Variants in ADAMTS1 observed in about 807,000 individuals in gnomAD.
ADAMTS1 encodes ADAM metallopeptidase with thrombospondin type 1 motif 1.
Under a neutral mutation model 87.9 loss-of-function variants are expected in ADAMTS1, and 19 were observed. That is an observed-to-expected ratio of 0.22 (90% confidence interval 0.15 to 0.32). The LOEUF is 0.32. Ranked by LOEUF, ADAMTS1 falls within the 10% of genes least tolerant of loss-of-function variation. The probability of loss-of-function intolerance (pLI) is 1.00; values close to 1 mark genes in which losing one functional copy is unlikely to be tolerated. For synonymous variants in ADAMTS1, 542 were observed against 501.8 expected (o/e 1.08, Z -1.07); for missense variants, 1,240 against 1,259.1 (o/e 0.98, Z 0.23).
rs1368622342 is a variant in ADAMTS1, at chr21:26,842,705, T to C, written c.731-20A>G. 3 of 1,588,920 alleles carry C rather than the reference T, an allele frequency of 1.9e-6. No individual in the cohort carries two copies. The highest frequency in any genetic ancestry group is 1.7e-5 in the Admixed American group (1 of 57,666). ...CAGTTCCTGTAAAGAAAAAAAAAAGTTTGCTTATGGTCAGGCTGTCCAAGA... is the reference window on the plus strand; with the variant it reads ...CAGTTCCTGTAAAGAAAAAAAAAAGCTTGCTTATGGTCAGGCTGTCCAAGA... On this transcript the variant is annotated intron_variant, in intron 1 of 8. Transcript: ENST00000284984.
Position 26,842,556 on chromosome 21 carries a change from G to A in ADAMTS1, c.860C>T (p.Ser287Leu), listed in dbSNP as rs1568811671. 4.3e-6 allele frequency: 7 copies of A among 1,614,018 alleles called. No homozygotes were observed. Among genetic ancestry groups the A allele is most frequent in the East Asian group, 2.2e-5 (1 of 44,892 alleles). ...GTGTTTGTACAATCTGGCTGCCACCGAAAACAACGTGAGAAGGTAATGCTT... is the reference window on the plus strand; with the variant it reads ...GTGTTTGTACAATCTGGCTGCCACCAAAAACAACGTGAGAAGGTAATGCTT... ...GLKHYLLTLF[S>L]VAARLYKHPS... Residue 287 changes from serine to leucine, a missense_variant, in exon 2 of 9, where the codon TCG (serine) becomes TTG (leucine). By Grantham distance (145) the Ser-to-Leu change is moderately radical. Coordinates refer to ENST00000284984, the MANE Select transcript of ADAMTS1 (RefSeq NM_006988.5).
In ADAMTS1 at chr21:26,844,725, C is replaced by T. The variant is rs201919354; in HGVS notation, c.230G>A (p.Arg77His). 361 of 1,578,366 alleles carry T rather than the reference C, an allele frequency of 2.3e-4. 1 individual carries two copies. The highest frequency in any genetic ancestry group is 3.0e-4 in the Non-Finnish European group (344 of 1,160,944). The change falls in exon 1 of 9, where the codon CGC becomes CAC. Residue 77 changes from arginine (R) to histidine (H), a missense_variant. Transcript: ENST00000284984. ...CAGCTGCTGGTCAAAGGCGTGCAGG[C>T]GGAGGCGCGTGGTCCCGTGTCCCGG... ...RAPGHGTTRL[R>H]LHAFDQQLDL...
intron 2 of ADAMTS1, 43 bp from the exon 3 acceptor site, chr21:26,842,033 G>A: frequency 6.3e-7 from 1 of 1,590,202 alleles, no homozygotes; most frequent in Non-Finnish European, 8.5e-7. Flanking sequence ...AGGGGAGCAT[G>A]ACCCTTGGGA....
At chr21:26,843,405 G>A (rs998842882) in intron 1 of ADAMTS1, 2 of 455,166 alleles carry the variant, frequency 4.4e-6, no homozygotes, top group Admixed American at 2.4e-5. Flanking sequence ...GAGGAGCAGG[G>A]GAAAAGGGGA....
At chr21:26,843,135 G>A (rs1985531092) in intron 1 of ADAMTS1, 3 of 263,728 alleles carry the variant, frequency 1.1e-5, no homozygotes, top group Middle Eastern at 1.3e-3. Context: ...CAAGGGGCCG[G>A]GCCTTAAGGA....
At position 26,841,030 on chromosome 21, in the gene ADAMTS1, T is replaced by C. The variant is rs761339964; in HGVS notation, c.1346A>G (p.Tyr449Cys). The change falls in exon 4 of 9, where the codon TAC (tyrosine) becomes TGC (cysteine). Residue 449 changes from tyrosine (Y) to cysteine (C), a missense_variant. This residue lies in a region of ADAMTS1 where 317 missense variants were observed against 410.3 expected (regional missense o/e 0.77). Coordinates refer to ENST00000284984, the MANE Select transcript of ADAMTS1 (RefSeq NM_006988.5). Reference sequence around the variant, plus strand: ...ATTATCCAGAAATGATGTAATCATGTAGGCACTGCAAGGAGACCAAGGCTG... The same window carrying C: ...ATTATCCAGAAATGATGTAATCATGCAGGCACTGCAAGGAGACCAAGGCTG... ...HSQPWSPCSA[Y>C]MITSFLDNGH... The C allele has an allele frequency of 2.5e-6, 4 of 1,614,248 alleles. No homozygotes were observed. Among genetic ancestry groups the C allele is most frequent in the Non-Finnish European group, 3.4e-6 (4 of 1,180,050 alleles).
intron 4 of ADAMTS1, 68 bp downstream of exon 4, chr21:26,840,930 T>C (rs1391396216): frequency 4.6e-6 from 7 of 1,514,784 alleles, no homozygotes; most frequent in African/African-American, 1.4e-5. Flanking sequence ...AAGGAAAGAG[T>C]TCATTTAACT....
chr21:26,841,079 T>C lies in ADAMTS1; in HGVS notation c.1297A>G (p.Met433Val). ...TGGCTGTGGTCCAGGTTGGAAAGCA[T>C]TGACGCCATCATGTGGGAATCCTGG... ...VNQDSHMMAS[M>V]LSNLDHSQPW... The change falls in exon 4 of 9, where the codon ATG (methionine) becomes GTG (valine). Residue 433 changes from methionine (M) to valine (V), a missense_variant. Met to Val is a conservative substitution (Grantham distance 21, BLOSUM62 1). Around this residue, in one of 3 missense-constraint regions of ADAMTS1, gnomAD observed 317 missense variants for 410.3 expected, o/e 0.77. Transcript: ENST00000284984. The C allele has an allele frequency of 6.2e-7, 1 of 1,614,204 alleles. No homozygotes were observed. The highest frequency in any genetic ancestry group is 1.1e-5 in the South Asian group (1 of 91,080).
Position 26,842,391 on chromosome 21 carries a change from G to C in ADAMTS1, c.1025C>G (p.Pro342Arg). 1 of 1,614,132 alleles carries C rather than the reference G, an allele frequency of 6.2e-7. No individual in the cohort carries two copies. The highest frequency in any genetic ancestry group is 2.2e-5 in the East Asian group (1 of 44,870). The change falls in exon 2 of 9, where the codon CCC becomes CGC. Residue 342 changes from proline to arginine, a missense_variant. By Grantham distance (103) the Pro-to-Arg change is moderately radical. Coordinates refer to ENST00000284984, the MANE Select transcript of ADAMTS1 (RefSeq NM_006988.5). ...FCNWQKQHNP[P>R]SDRDAEHYDT... ...ATAGTGCTCTGCATCCCGGTCACTGGGTGGGTTGTGCTGCTTCTGCCAGTT... is the reference window on the plus strand; with the variant it reads ...ATAGTGCTCTGCATCCCGGTCACTGCGTGGGTTGTGCTGCTTCTGCCAGTT...
At position 26,845,043 on chromosome 21, in the gene ADAMTS1, C is replaced by A; in HGVS notation, c.-89G>T. ...GAGAGCAAAGCCTCGTTGGCCTGCT[C>A]TGGATTGTTAAAATTAACAATTTCT... On this transcript the variant is annotated 5_prime_UTR_variant, in exon 1 of 9. Transcript: ENST00000284984. 1 of 1,381,314 alleles carries A rather than the reference C, an allele frequency of 7.2e-7. No individual in the cohort carries two copies. Among genetic ancestry groups the A allele is most frequent in the South Asian group, 1.9e-5 (1 of 51,290 alleles). 85.6% of individuals were successfully genotyped at this position (1,381,314 alleles called of 1,614,324 possible).
At position 26,841,024 on chromosome 21, in the gene ADAMTS1, A is replaced by G. The variant is rs778458514; in HGVS notation, c.1352T>C (p.Ile451Thr). Reference protein sequence around the residue: ...QPWSPCSAYMITSFLDNGHGE... With the variant: ...QPWSPCSAYMTTSFLDNGHGE... ...ATGACCATTATCCAGAAATGATGTAATCATGTAGGCACTGCAAGGAGACCA... is the reference window on the plus strand; with the variant it reads ...ATGACCATTATCCAGAAATGATGTAGTCATGTAGGCACTGCAAGGAGACCA... Residue 451 changes from isoleucine to threonine, a missense_variant, in exon 4 of 9, where the codon ATT (isoleucine) becomes ACT (threonine). Coordinates refer to ENST00000284984, the MANE Select transcript of ADAMTS1 (RefSeq NM_006988.5). The G allele has an allele frequency of 4.8e-5, 78 of 1,614,110 alleles. No homozygotes were observed. The highest frequency in any genetic ancestry group is 6.3e-5 in the Non-Finnish European group (74 of 1,180,038).
chr21:26,835,989 T>C lies in ADAMTS1; in HGVS notation c.*1590A>G, dbSNP rs989857987. ...ACAGGATTGACAAAGTTGCAAATAT[T>C]TACCATTTGGCTTTTTACAAAAGAA... On this transcript the variant is annotated 3_prime_UTR_variant, in exon 9 of 9. Transcript: ENST00000284984. 1 of 152,232 alleles carries C rather than the reference T, an allele frequency of 6.6e-6. No individual in the cohort carries two copies. The highest frequency in any genetic ancestry group is 1.5e-5 in the Non-Finnish European group (1 of 68,042). The allele number at this position is 152,232 out of a possible 1,614,324, so 9.4% of individuals were successfully genotyped here.
chr21:26,841,225 C>T lies in ADAMTS1; in HGVS notation c.1211-60G>A, dbSNP rs1372346674. The T allele has an allele frequency of 1.3e-5, 21 of 1,574,302 alleles. No homozygotes were observed. In the Admixed American group the frequency reaches 3.6e-4, roughly 27 times the overall value. ...GATCATGGCTGGGTGCGGTGGCTCA[C>T]ACCTGTAATTCCAGAAGCCGAGGCG... On this transcript the variant is annotated intron_variant, in intron 3 of 8. Coordinates refer to ENST00000284984, the MANE Select transcript of ADAMTS1 (RefSeq NM_006988.5).
Position 26,844,340 on chromosome 21 carries a change from G to T in ADAMTS1, c.615C>A (p.Pro205=), listed in dbSNP as rs140248284. 162 of 1,605,570 alleles carry T rather than the reference G, an allele frequency of 1.0e-4. No individual in the cohort carries two copies. Among genetic ancestry groups the T allele is most frequent in the Admixed American group, 6.7e-5 (4 of 59,542 alleles). ...CGGTCTCCGCTTTCCCAGTCGGCCG[G>T]GGCTCGTCGTCCACGACCCCGCACG... ...GGTCGVVDDE[P]RPTGKAETED... Residue 205 remains proline (P), a synonymous_variant, in exon 1 of 9, where the codon CCC becomes CCA. Coordinates refer to ENST00000284984, the MANE Select transcript of ADAMTS1 (RefSeq NM_006988.5).
Position 26,837,587 on chromosome 21 carries a change from A to G in ADAMTS1, c.2896T>C (p.Cys966Arg), listed in dbSNP as rs764413514. ...HFIDFCTMAECS is the reference protein window; with the variant it reads ...HFIDFCTMAERS ...AACACCACTTAAACCACTTAACTGC[A>G]TTCTGCCATTGTGCAAAAGTCTATG... Residue 966 changes from cysteine (C) to arginine (R), a missense_variant, in exon 9 of 9, where the codon TGC (cysteine) becomes CGC (arginine). By Grantham distance (180) the Cys-to-Arg change is radical (BLOSUM62 -3). Transcript: ENST00000284984. 5 of 1,613,756 alleles carry G rather than the reference A, an allele frequency of 3.1e-6. No homozygotes were observed. The highest frequency in any genetic ancestry group is 4.2e-6 in the Non-Finnish European group (5 of 1,179,922).
intron 1 of ADAMTS1, among the ~76,000 whole-genome samples, chr21:26,843,986 G>C (rs994368496): frequency 3.9e-5 from 6 of 152,188 alleles, no homozygotes; most frequent in African/African-American, 1.4e-4. Context: ...GCTTTAGTTT[G>C]CAGAAAATCG....
Position 26,837,520 on chromosome 21 carries a change from C to G in ADAMTS1, c.*59G>C. 1 of 1,503,756 alleles carries G rather than the reference C, an allele frequency of 6.7e-7. No individual in the cohort carries two copies. The highest frequency in any genetic ancestry group is 1.2e-5 in the South Asian group (1 of 83,400). 93.2% of individuals were successfully genotyped at this position (1,503,756 alleles called of 1,614,324 possible). A position where few individuals can be genotyped will look rare whatever the true frequency, so the allele number is the denominator to read the frequency against. ...TGGATCCCTCCAGCCTTCTTGCTTT[C>G]CCTGCACCAGCCCTTCCTCACTTTG... On this transcript the variant is annotated 3_prime_UTR_variant, in exon 9 of 9. Coordinates refer to ENST00000284984, the MANE Select transcript of ADAMTS1 (RefSeq NM_006988.5).
At chr21:26,841,477 T>C (rs576520559) in intron 3 of ADAMTS1, 4 of 257,888 alleles carry the variant, frequency 1.6e-5, no homozygotes, top group African/African-American at 4.4e-5. Flanking sequence ...AGACTCCATC[T>C]CAAAAAAAAT....
chr21:26,837,716 T>C lies in ADAMTS1; in HGVS notation c.2767A>G (p.Thr923Ala), dbSNP rs1466857855. Residue 923 changes from threonine (T) to alanine (A), a missense_variant, in exon 9 of 9, where the codon ACC becomes GCC. Physicochemically the swap from Thr to Ala is moderately conservative, Grantham distance 58 (BLOSUM62 0). Around this residue, in one of 3 missense-constraint regions of ADAMTS1, gnomAD observed 402 missense variants for 399.1 expected, o/e 1.01. Transcript: ENST00000284984. The stretch of plus-strand genomic sequence containing the variant: ...CTTTTTTTGTAACCCTTCCCACAGG[T>C]CTTAGAACATGATGACCACTCCCCC... Reference protein sequence around the residue: ...QLGEWSSCSKTCGKGYKKRSL... With the variant: ...QLGEWSSCSKACGKGYKKRSL... The C allele has an allele frequency of 1.9e-6, 3 of 1,614,116 alleles. No homozygotes were observed. Among genetic ancestry groups the C allele is most frequent in the Non-Finnish European group, 2.5e-6 (3 of 1,180,024 alleles).
Sources: allele counts gnomAD v4.1 joint callset (sites outside exome capture counted in the v4.1 genomes callset), GRCh38; gene constraint gnomAD v4.1.1; regional missense constraint gnomAD v4.1.1; transcripts MANE v1.5; gene names NCBI Gene and HGNC (gene_info 2026-07-23, HGNC 2026-07-21).